The following ULK4 variants were observed in gnomAD, a reference collection of about 807,000 sequenced individuals.
ULK4 encodes the protein inactive serine/threonine-protein kinase ULK4.
In ULK4, 133 loss-of-function variants were observed where a neutral mutation model predicts 160.6. The observed-to-expected ratio is 0.83, with a 90% CI of 0.72 to 0.96. The LOEUF (loss-of-function observed/expected upper bound fraction) is 0.96. Among genes scored for constraint, ULK4 ranks in the 40% least tolerant of loss-of-function variants. The pLI is 0.00. For missense variants in ULK4, 1,580 were observed against 1,499.5 expected, an observed-to-expected ratio of 1.05 and a Z score of -0.89; for synonymous variants, 534 against 539.8, an observed-to-expected ratio of 0.99 and a Z score of 0.15.
chr3:41,549,579 G>A (rs528581716), intron 32 of ULK4, among the ~76,000 whole-genome samples: 1 of 152,222 alleles, frequency 6.6e-6, no homozygotes, highest in East Asian at 1.9e-4. Flanking sequence ...AATTTTGGGT[G>A]TTCTAGAAGT....
chr3:41,880,026 A>C (rs569287852), intron 17 of ULK4, among the ~76,000 whole-genome samples: 1 of 152,238 alleles, frequency 6.6e-6, no homozygotes, highest in Non-Finnish European at 1.5e-5. Flanking sequence ...AGGCTGAGGC[A>C]GGAGAATCGT....
chr3:41,457,262 C>T (rs892657278), intron 33 of ULK4, among the ~76,000 whole-genome samples: 1 of 152,148 alleles, frequency 6.6e-6, no homozygotes, highest in African/African-American at 2.4e-5. Context: ...TCCAAACACA[C>T]ACAAGCAAGG....
intron 32 of ULK4, among the ~76,000 whole-genome samples, chr3:41,472,031 C>G (rs1306572456): frequency 6.9e-6 from 1 of 145,630 alleles, no homozygotes; most frequent in Admixed American, 6.8e-5. Context: ...ACTAGAAAAG[C>G]AATACTAAAA....
intron 35 of ULK4, among the ~76,000 whole-genome samples, chr3:41,376,096 C>A (rs774655093): frequency 6.7e-6 from 1 of 150,260 alleles, no homozygotes; most frequent in African/African-American, 2.5e-5. Context: ...CCATCTCAAG[C>A]CAGTTAGAAT....
chr3:41,831,171 G>T (rs2041569497), intron 18 of ULK4, among the ~76,000 whole-genome samples: 1 of 151,814 alleles, frequency 6.6e-6, no homozygotes, highest in Admixed American at 6.6e-5. Flanking sequence ...GGGACTACAG[G>T]TGCACACCAC....
At chr3:41,481,028 G>A (rs929699722) in intron 32 of ULK4, among the ~76,000 whole-genome samples, 6 of 152,160 alleles carry the variant, frequency 3.9e-5, no homozygotes, top group African/African-American at 1.4e-4. Flanking sequence ...CAGCCAAACT[G>A]TATCAGTGTA....
At chr3:41,248,366 C>A (rs1198670284) in intron 36 of ULK4, among the ~76,000 whole-genome samples, 3 of 152,180 alleles carry the variant, frequency 2.0e-5, no homozygotes, top group Admixed American at 2.0e-4. Flanking sequence ...GGCAGGGGCT[C>A]AGCAAGGTGT....
At chr3:41,527,275 TGCCCAAGTA>T (rs2086151281) in intron 32 of ULK4, among the ~76,000 whole-genome samples, 1 of 152,228 alleles carries the variant, frequency 6.6e-6, no homozygotes. Context: ...TGCACAGAGC[TGCCCAAGTA>T]CAAAGCATTA....
chr3:41,351,801 C>T (rs927724835), intron 35 of ULK4, among the ~76,000 whole-genome samples: 2 of 152,148 alleles, frequency 1.3e-5, no homozygotes, highest in Admixed American at 1.3e-4. Flanking sequence ...GCATCAGACA[C>T]CCAAGGGACT....
At position 41,759,493 on chromosome 3, in the gene ULK4, C is replaced by T. The variant is rs370292380; in HGVS notation, c.2194-5005G>A. On this transcript the variant is annotated intron_variant, in intron 21 of 36. Coordinates refer to ENST00000301831, the MANE Select transcript of ULK4 (RefSeq NM_017886.4). ...TAGTGATTAAAGAAAACTTTTTAAA[C>T]GTATAAATAATGAAGAGACATTCCA... Among the ~76,000 whole-genome samples the T allele has an allele frequency of 6.6e-5, 10 of 152,188 alleles. No homozygotes were observed. The East Asian group carries it at 1.2e-3, about 18-fold the overall frequency.
intron 34 of ULK4, among the ~76,000 whole-genome samples, chr3:41,417,931 T>C (rs2082566067): frequency 6.6e-6 from 1 of 152,220 alleles, no homozygotes. Flanking sequence ...ACCTTCGTGC[T>C]GTTTTTCAAA....
chr3:41,445,982 A>C (rs886707136), intron 34 of ULK4, among the ~76,000 whole-genome samples: 2 of 152,098 alleles, frequency 1.3e-5, no homozygotes, highest in Non-Finnish European at 2.9e-5. Flanking sequence ...TCATCTGACA[A>C]AGGGCTAATA....
At chr3:41,567,974 A>C (rs1019153528) in intron 31 of ULK4, among the ~76,000 whole-genome samples, 3 of 152,182 alleles carry the variant, frequency 2.0e-5, no homozygotes, top group African/African-American at 7.2e-5. Context: ...AGACATTTAC[A>C]CTGATACTAA....
Position 41,935,891 on chromosome 3 carries a change from ATCT to A in ULK4, c.285_287del (p.Glu95del). The A allele has an allele frequency of 6.2e-7, 1 of 1,613,974 alleles. No homozygotes were observed. Among genetic ancestry groups the A allele is most frequent in the Non-Finnish European group, 8.5e-7 (1 of 1,179,972 alleles). On this transcript the variant is annotated inframe_deletion, in exon 4 of 37. Coordinates refer to ENST00000301831, the MANE Select transcript of ULK4 (RefSeq NM_017886.4). ...GGTCAATTCCAAATTCTCTCACAAC[ATCT>A]TCTGGGAGGTTTTCATCTTGAGCAA...
chr3:41,557,963 G>A (rs1575410149), intron 32 of ULK4, among the ~76,000 whole-genome samples: 1 of 152,146 alleles, frequency 6.6e-6, no homozygotes, highest in Admixed American at 6.5e-5. Flanking sequence ...AACAAATGGG[G>A]AAGCAAAACA....
chr3:41,674,412 C>G (rs1559477115), intron 29 of ULK4, among the ~76,000 whole-genome samples: 1 of 152,190 alleles, frequency 6.6e-6, no homozygotes. Flanking sequence ...TCTGCATAAA[C>G]CTTTAAAATT....
At chr3:41,831,531 A>ATATAGAGAGAGATAT in intron 18 of ULK4, among the ~76,000 whole-genome samples, 6 of 138,128 alleles carry the variant, frequency 4.3e-5, no homozygotes, top group African/African-American at 1.7e-4. Flanking sequence ...ATATATATAT[A>ATATAGAGAGAGATAT]TTTTTTTTTC....
intron 25 of ULK4, among the ~76,000 whole-genome samples, chr3:41,709,530 G>T (rs1457254692): frequency 6.6e-6 from 1 of 152,086 alleles, no homozygotes; most frequent in Non-Finnish European, 1.5e-5. Context: ...GGGACTACAG[G>T]CGCGCGCCAC....
At chr3:41,804,510 T>G (rs56695872) in intron 19 of ULK4, among the ~76,000 whole-genome samples, 30,700 of 145,078 alleles carry the variant, frequency 0.21, 3,889 homozygotes, top group Middle Eastern at 0.33. Context: ...GTCAATTTTG[T>G]CTTTTGTTGC....
Sources: gnomAD v4.1 joint callset for allele counts (sites outside exome capture counted in the v4.1 genomes callset) on GRCh38, gnomAD v4.1.1 for gene constraint, MANE v1.5 for transcripts, NCBI Gene and HGNC (gene_info 2026-07-23, HGNC 2026-07-21) for gene names.